Variants in DNAH11 observed in about 807,000 individuals in gnomAD.
DNAH11 encodes dynein axonemal heavy chain 11.
DNAH11 carries 442 observed loss-of-function variants against 526.0 expected under a neutral mutation model. That is an observed-to-expected ratio of 0.84 (90% CI 0.78 to 0.91). The LOEUF is 0.91. Ranked by LOEUF, DNAH11 falls within the 40% of genes least tolerant of loss-of-function variation. The pLI is 0.00. For synonymous variants in DNAH11, 2,461 were observed against 1,935.9 expected, an observed-to-expected ratio of 1.27 and a Z score of -7.12; for missense variants, 6,989 against 5,448.7, an observed-to-expected ratio of 1.28 and a Z score of -8.90.
intron 25 of DNAH11, among the ~76,000 whole-genome samples, chr7:21,630,143 T>C (rs1786534328): frequency 6.6e-6 from 1 of 152,018 alleles, no homozygotes; most frequent in Non-Finnish European, 1.5e-5. Context: ...TTTAAAGAGA[T>C]GACAACTTAT....
rs561151456 is a variant in DNAH11 at position 21,589,550 on chromosome 7, A to G, written c.2169+147A>G. 180 of 629,486 alleles carry G rather than the reference A, an allele frequency of 2.9e-4. 1 individual carries two copies. The highest frequency in any genetic ancestry group is 2.2e-3 in the Middle Eastern group (5 of 2,322). The allele number at this position is 629,486 out of a possible 1,614,324, so 39.0% of individuals were successfully genotyped here. A position where few individuals can be genotyped will look rare whatever the true frequency, so the allele number is the denominator to read the frequency against. Reference sequence around the variant, plus strand: ...TGTAAACAATTTCTTACAGGTCTTCATTGTAGAGATTTGTTTCTCAAATTC... The same window carrying G: ...TGTAAACAATTTCTTACAGGTCTTCGTTGTAGAGATTTGTTTCTCAAATTC... On this transcript the variant is annotated intron_variant, in intron 12 of 81. Coordinates refer to ENST00000409508, the MANE Select transcript of DNAH11 (RefSeq NM_001277115.2).
chr7:21,684,699 G>A (rs1200254015), intron 32 of DNAH11, among the ~76,000 whole-genome samples: 1 of 152,200 alleles, frequency 6.6e-6, no homozygotes, highest in Non-Finnish European at 1.5e-5. Context: ...AAGAAAGCCA[G>A]TGTGGCTCAA....
chr7:21,619,711 G>A (rs989112556), intron 24 of DNAH11, among the ~76,000 whole-genome samples: 11 of 152,040 alleles, frequency 7.2e-5, no homozygotes, highest in African/African-American at 2.7e-4. Context: ...TTGTGTTTTG[G>A]TTAGGGATGA....
At chr7:21,669,559 T>G (rs1782558055) in intron 30 of DNAH11, among the ~76,000 whole-genome samples, 1 of 152,186 alleles carries the variant, frequency 6.6e-6, no homozygotes, top group African/African-American at 2.4e-5. Flanking sequence ...CTTAATGGCA[T>G]ATTTTATCAG....
At chr7:21,743,659 G>A (rs767086389) in intron 49 of DNAH11, among the ~76,000 whole-genome samples, 1 of 152,166 alleles carries the variant, frequency 6.6e-6, no homozygotes, top group African/African-American at 2.4e-5. Context: ...TCGTGTCTGT[G>A]TATCTAGCTC....
intron 42 of DNAH11, among the ~76,000 whole-genome samples, chr7:21,714,695 A>G (rs1488277663): frequency 5.3e-5 from 8 of 152,226 alleles, no homozygotes; most frequent in Non-Finnish European, 1.0e-4. Context: ...TTGGAAAGGT[A>G]GTACAATGCG....
intron 79 of DNAH11, among the ~76,000 whole-genome samples, chr7:21,896,132 A>G (rs1784507189): frequency 6.6e-6 from 1 of 152,080 alleles, no homozygotes; most frequent in East Asian, 1.9e-4. Context: ...TTTAAGCCAC[A>G]TTATGTTTGT....
intron 65 of DNAH11, among the ~76,000 whole-genome samples, chr7:21,824,717 G>A (rs978151178): frequency 2.0e-5 from 3 of 152,264 alleles, no homozygotes; most frequent in Admixed American, 6.5e-5. Flanking sequence ...GTTTTAACAC[G>A]TGTGTGTATT....
At chr7:21,663,492 G>C (rs1234235734) in intron 30 of DNAH11, among the ~76,000 whole-genome samples, 3 of 152,012 alleles carry the variant, frequency 2.0e-5, no homozygotes, top group Non-Finnish European at 4.4e-5. Flanking sequence ...CATCTGTGTT[G>C]TTGTTGGTCT....
chr7:21,881,083 C>G (rs983199285), intron 75 of DNAH11, among the ~76,000 whole-genome samples, 190 bp downstream of exon 75: 1 of 152,102 alleles, frequency 6.6e-6, no homozygotes, highest in Non-Finnish European at 1.5e-5. Flanking sequence ...GTTTGCACTT[C>G]ATGAGATAGG....
chr7:21,866,604 A>G lies in DNAH11; in HGVS notation c.11631A>G (p.Leu3877=), dbSNP rs746128570. ...KLPQEWKKKS[L]IQKLILLRAM... Reference sequence around the variant, plus strand: ...CTCAAGAATGGAAGAAGAAAAGTTTAATACAGAAGCTGATTCTTCTGAGAG... The same window carrying G: ...CTCAAGAATGGAAGAAGAAAAGTTTGATACAGAAGCTGATTCTTCTGAGAG... The change falls in exon 71 of 82, where the codon TTA becomes TTG. Residue 3877 remains leucine, a synonymous_variant. Transcript: ENST00000409508. 2 of 1,613,972 alleles carry G rather than the reference A, an allele frequency of 1.2e-6. No individual in the cohort carries two copies. The highest frequency in any genetic ancestry group is 8.5e-7 in the Non-Finnish European group (1 of 1,179,862).
chr7:21,544,425 C>G (rs1782728189), intron 1 of DNAH11, among the ~76,000 whole-genome samples: 1 of 152,034 alleles, frequency 6.6e-6, no homozygotes, highest in African/African-American at 2.4e-5. Context: ...TTAGGACTCT[C>G]CTAATTGTAA....
Position 21,852,551 on chromosome 7 carries a change from G to A in DNAH11, c.10981G>A (p.Glu3661Lys). The change falls in exon 67 of 82, where the codon GAG becomes AAG. Residue 3661 changes from glutamate (E) to lysine (K), a missense_variant. Physicochemically the swap from Glu to Lys is moderately conservative, Grantham distance 56 (BLOSUM62 1). Transcript: ENST00000409508. The part of the protein sequence containing the change: ...DDLLLRLSAA[E>K]GSFLDDTKLV... ...TCTCCTTTTGCGCCTTTCTGCGGCA[G>A]AGGGAAGCTTTCTGGATGACACCAA... 1.9e-6 allele frequency: 3 copies of A among 1,613,068 alleles called. No homozygotes were observed. The highest frequency in any genetic ancestry group is 1.3e-5 in the African/African-American group (1 of 74,960).
intron 38 of DNAH11, among the ~76,000 whole-genome samples, chr7:21,705,139 T>G (rs1562499383): frequency 6.6e-6 from 1 of 152,112 alleles, no homozygotes; most frequent in African/African-American, 2.4e-5. Context: ...TATAAATCAT[T>G]AGTTGTAGAT....
chr7:21,831,603 C>G (rs572899448), intron 65 of DNAH11, among the ~76,000 whole-genome samples: 18 of 152,296 alleles, frequency 1.2e-4, no homozygotes, highest in Middle Eastern at 3.4e-3. Flanking sequence ...ATCCTCCCCC[C>G]CTCTATTAAC....
chr7:21,859,051 G>A (rs1232367107), intron 68 of DNAH11, among the ~76,000 whole-genome samples: 1 of 152,042 alleles, frequency 6.6e-6, no homozygotes, highest in East Asian at 1.9e-4. Context: ...TTAAAATATT[G>A]TATAAAATTA....
chr7:21,624,967 T>C (rs1053349630), intron 25 of DNAH11, among the ~76,000 whole-genome samples: 25 of 152,114 alleles, frequency 1.6e-4, no homozygotes, highest in African/African-American at 5.3e-4. Context: ...TTTTAATGTA[T>C]GTTCATCAGG....
chr7:21,859,594 T>C (rs546738317), intron 68 of DNAH11, among the ~76,000 whole-genome samples: 88 of 152,354 alleles, frequency 5.8e-4, no homozygotes, highest in African/African-American at 1.8e-3. Flanking sequence ...ACTGTATATA[T>C]CTGTCATTGT....
At chr7:21,600,630 G>C (rs779644811) in intron 15 of DNAH11, 46 bp from the exon 16 acceptor site, 205 of 1,524,738 alleles carry the variant, frequency 1.3e-4, no homozygotes, top group Non-Finnish European at 1.7e-4. Context: ...AATTGGTAAA[G>C]TAAGGTTGGT....
Sources: allele counts gnomAD v4.1 joint callset (sites outside exome capture counted in the v4.1 genomes callset), GRCh38; gene constraint gnomAD v4.1.1; transcripts MANE v1.5; gene names NCBI Gene and HGNC (gene_info 2026-07-23, HGNC 2026-07-21).